The following PRKN variants were observed in gnomAD, a reference collection of about 807,000 sequenced individuals.
PRKN encodes E3 ubiquitin-protein ligase parkin.
A neutral mutation model predicts 59.5 loss-of-function variants in PRKN; 56 were observed. That is an observed-to-expected ratio of 0.94 (90% CI 0.76 to 1.18). The LOEUF is 1.18. PRKN is among the 50% of genes most tolerant of loss of function. The probability of loss-of-function intolerance (pLI) is 0.00; values close to 1 mark genes in which losing one functional copy is unlikely to be tolerated. For missense variants in PRKN, 657 were observed against 596.4 expected, an observed-to-expected ratio of 1.10 and a Z score of -1.06; for synonymous variants, 250 against 222.1, an observed-to-expected ratio of 1.13 and a Z score of -1.12.
chr6:161,877,576 CG>C (rs1794779449), intron 6 of PRKN, among the ~76,000 whole-genome samples: 1 of 151,506 alleles, frequency 6.6e-6, no homozygotes, highest in South Asian at 2.1e-4. Context: ...TCTCCTGCCT[CG>C]GCCTCTTGAG....
chr6:162,659,709 TG>T (rs1405248696), intron 1 of PRKN, among the ~76,000 whole-genome samples: 1 of 152,010 alleles, frequency 6.6e-6, no homozygotes, highest in Non-Finnish European at 1.5e-5. Flanking sequence ...AAAAAAGAAA[TG>T]AAACCAAACT....
intron 1 of PRKN, among the ~76,000 whole-genome samples, chr6:162,711,412 C>T (rs1293454745): frequency 2.4e-5 from 2 of 83,456 alleles, no homozygotes; most frequent in Non-Finnish European, 4.5e-5. Context: ...TTGGTCAAAA[C>T]TGCTATTTAA....
chr6:162,328,078 AG>A (rs1205159725), intron 2 of PRKN, among the ~76,000 whole-genome samples: 16 of 104,474 alleles, frequency 1.5e-4, no homozygotes, highest in Non-Finnish European at 3.1e-4. Flanking sequence ...CAGCACCACT[AG>A]GTCGGGTGCG....
intron 3 of PRKN, 139 bp from the exon 4 acceptor site, chr6:162,201,391 C>A (rs1433087911): frequency 3.9e-6 from 3 of 763,076 alleles, no homozygotes; most frequent in Non-Finnish European, 6.8e-6. Flanking sequence ...AATAAATATT[C>A]CAATGGGAAT....
intron 9 of PRKN, among the ~76,000 whole-genome samples, chr6:161,408,457 G>C (rs184347040): frequency 1.3e-5 from 2 of 149,930 alleles, no homozygotes; most frequent in Non-Finnish European, 3.0e-5. Flanking sequence ...AGCCACGTGG[G>C]ATTATGTTTG....
chr6:161,706,389 T>C (rs1033575), intron 7 of PRKN, among the ~76,000 whole-genome samples: 60,653 of 152,030 alleles, frequency 0.4, 12,201 homozygotes, highest in South Asian at 0.51. Context: ...ACCAAGGTGC[T>C]CCCATAACAC....
chr6:162,227,604 TG>T (rs1342337515), intron 3 of PRKN, among the ~76,000 whole-genome samples: 5 of 152,196 alleles, frequency 3.3e-5, no homozygotes, highest in Non-Finnish European at 5.9e-5. Context: ...ACTTTGTGCT[TG>T]ACCTCTACCT....
chr6:162,349,326 C>G (rs1216862053), intron 2 of PRKN, among the ~76,000 whole-genome samples: 1 of 151,974 alleles, frequency 6.6e-6, no homozygotes, highest in African/African-American at 2.4e-5. Flanking sequence ...ATTAGCCAGG[C>G]GTGTTGGCAT....
rs551615858 is a variant in PRKN at position 162,355,767 on chromosome 6, CCT to C, written c.171+87541_171+87542del. ...GGATTCTAACATTCATCTCAGGGAC[CCT>C]GAGTGACATAAAGGAAACCAAGTCA... On this transcript the variant is annotated intron_variant, in intron 2 of 11. Transcript: ENST00000366898. Among the ~76,000 whole-genome samples the C allele has an allele frequency of 1.9e-3, 294 of 151,670 alleles. 5 individuals are homozygous for C. The South Asian group carries it at 0.031, about 16-fold the overall frequency.
Position 161,444,597 on chromosome 6 carries a change from T to C in PRKN, c.1084-57720A>G, listed in dbSNP as rs11965834. On this transcript the variant is annotated intron_variant, in intron 9 of 11. Coordinates refer to ENST00000366898, the MANE Select transcript of PRKN (RefSeq NM_004562.3). This position sits in a 1 kb window ranked among gnomAD's most constrained non-coding sequence, Gnocchi z 5.6. ...GCAAATATTAATTGACGTGGTGAGG[T>C]TGTGCTCTGAAAAGCTGAGTTCCTC... Among the ~76,000 whole-genome samples the C allele has an allele frequency of 0.036, 5,490 of 152,296 alleles. 332 individuals carry two copies. The highest frequency in any genetic ancestry group is 0.13 in the African/African-American group (5,205 of 41,534).
chr6:162,152,555 C>A (rs558633999), intron 4 of PRKN, among the ~76,000 whole-genome samples: 2 of 152,286 alleles, frequency 1.3e-5, no homozygotes, highest in South Asian at 4.1e-4. Context: ...CACATGCATA[C>A]TGCAGGAACA....
chr6:162,284,904 C>T (rs1781110137), intron 2 of PRKN, among the ~76,000 whole-genome samples: 1 of 152,126 alleles, frequency 6.6e-6, no homozygotes, highest in Admixed American at 6.6e-5. Flanking sequence ...CCAAATGTGA[C>T]TGTTTGGAGA....
chr6:161,885,372 T>C lies in PRKN; in HGVS notation c.734+87930A>G, dbSNP rs1795095281. ...GTCATTTTAGCTGTCTATTCAACAA[T>C]AAGAATGTCTGGGCCGGGTGCGGTG... On this transcript the variant is annotated intron_variant, in intron 6 of 11. Coordinates refer to ENST00000366898, the MANE Select transcript of PRKN (RefSeq NM_004562.3). 2.6e-5 allele frequency among the ~76,000 whole-genome samples: 4 copies of C among 152,004 alleles called. No homozygotes were observed. In the South Asian group the frequency reaches 8.3e-4, roughly 31 times the overall value.
chr6:161,549,235 G>A lies in PRKN; in HGVS notation c.934-232C>T, dbSNP rs1385623188. 1.3e-5 allele frequency among the ~76,000 whole-genome samples: 2 copies of A among 152,088 alleles called. No homozygotes were observed. The highest frequency in any genetic ancestry group is 1.3e-4 in the Admixed American group (2 of 15,266). ...CAAATTCAACTGGCAAGACATATAA[G>A]TGTGTTTACTTTTTGCTTTTTTGTC... On this transcript the variant is annotated intron_variant, in intron 8 of 11. Transcript: ENST00000366898. The surrounding 1 kb of genome is among the most constrained non-coding windows in gnomAD (Gnocchi z 6.0).
rs571660307 is a variant in PRKN, at chr6:161,462,908, T to C, written c.1084-76031A>G. Among the ~76,000 whole-genome samples the C allele has an allele frequency of 6.6e-6, 1 of 152,308 alleles. No individual in the cohort carries two copies. Among genetic ancestry groups the C allele is most frequent in the East Asian group, 1.9e-4 (1 of 5,182 alleles). ...CTCAGGATTTCTTCACTCAGTTTTT[T>C]TGTTTGGTAGAGCACTTAGTATTAA... On this transcript the variant is annotated intron_variant, in intron 9 of 11. Transcript: ENST00000366898. The surrounding 1 kb of genome is among the most constrained non-coding windows in gnomAD (Gnocchi z 4.5).
intron 4 of PRKN, among the ~76,000 whole-genome samples, chr6:162,066,637 C>T (rs921763711): frequency 1.3e-5 from 2 of 152,156 alleles, no homozygotes; most frequent in African/African-American, 4.8e-5. Flanking sequence ...CCTACTGGAG[C>T]ACATAGAATT....
At chr6:162,001,140 C>G (rs536305870) in intron 5 of PRKN, among the ~76,000 whole-genome samples, 1 of 152,076 alleles carries the variant, frequency 6.6e-6, no homozygotes, top group South Asian at 2.1e-4. Flanking sequence ...TCTTTTGCCT[C>G]TTCATATAAA....
chr6:161,470,325 CT>C lies in PRKN; in HGVS notation c.1083+78528del, dbSNP rs1259815613. Among the ~76,000 whole-genome samples, 15 of 152,196 alleles carry C rather than the reference CT, an allele frequency of 9.9e-5. No homozygotes were observed. The highest frequency in any genetic ancestry group is 2.2e-4 in the Non-Finnish European group (15 of 68,046). ...GTCACTCATCTAAATCTTCATTCCC[CT>C]CTTCAACGGCTCTACCCAGTGCTCA... On this transcript the variant is annotated intron_variant, in intron 9 of 11. Coordinates refer to ENST00000366898, the MANE Select transcript of PRKN (RefSeq NM_004562.3). The surrounding 1 kb of genome is among the most constrained non-coding windows in gnomAD (Gnocchi z 5.1).
At chr6:162,468,950 T>C (rs1791573304) in intron 1 of PRKN, among the ~76,000 whole-genome samples, 1 of 152,182 alleles carries the variant, frequency 6.6e-6, no homozygotes, top group Non-Finnish European at 1.5e-5. Flanking sequence ...TCTCAAAGGC[T>C]GGAATGAATT....
Sources: gnomAD v4.1 joint callset for allele counts (sites outside exome capture counted in the v4.1 genomes callset) on GRCh38, gnomAD v4.1.1 for gene constraint, Gnocchi (gnomAD v3.1) non-coding constraint, MANE v1.5 for transcripts, NCBI Gene and HGNC (gene_info 2026-07-23, HGNC 2026-07-21) for gene names.